The following CSMD3 variants were observed in gnomAD, a reference collection of about 807,000 sequenced individuals.
CSMD3 encodes CUB and Sushi multiple domains 3.
Under a neutral mutation model 435.2 loss-of-function variants are expected in CSMD3, and 177 were observed. The observed-to-expected ratio is 0.41, with a 90% CI of 0.36 to 0.46. The LOEUF is 0.46. Ranked by LOEUF, CSMD3 falls within the 20% of genes least tolerant of loss-of-function variation. CSMD3 has a pLI of 0.34. For synonymous variants in CSMD3, 1,656 were observed against 1,520.5 expected (o/e 1.09, Z -2.07); for missense variants, 4,265 against 4,504.6 (o/e 0.95, Z 1.52).
intron 12 of CSMD3, among the ~76,000 whole-genome samples, chr8:112,826,222 A>G (rs540621717): frequency 6.6e-6 from 1 of 152,280 alleles, no homozygotes; most frequent in African/African-American, 2.4e-5. Flanking sequence ...GGAGCTATAG[A>G]GATTGCTGCC....
rs1334174208 is a variant in CSMD3, at chr8:112,645,235, A to G, written c.3194-10T>C. ...TCTCCTCCACATAATGCTGAAATAC[A>G]AAGAAACAGATCCATGTGATCAGCA... On this transcript the variant is annotated splice_polypyrimidine_tract_variant and intron_variant, in intron 19 of 70. Coordinates refer to ENST00000297405, the MANE Select transcript of CSMD3 (RefSeq NM_198123.2). 1.5e-6 allele frequency: 2 copies of G among 1,338,864 alleles called. No homozygotes were observed. The highest frequency in any genetic ancestry group is 1.2e-5 in the South Asian group (1 of 85,524). The allele number at this position is 1,338,864 out of a possible 1,614,324, so 82.9% of individuals were successfully genotyped here.
At chr8:112,554,925 A>G (rs1827985850) in intron 25 of CSMD3, among the ~76,000 whole-genome samples, 1 of 151,984 alleles carries the variant, frequency 6.6e-6, no homozygotes, top group Admixed American at 6.6e-5. Flanking sequence ...AAGGTTAATG[A>G]GCACAGGCTA....
chr8:112,998,901 G>C (rs1002034056), intron 6 of CSMD3, among the ~76,000 whole-genome samples: 1 of 151,856 alleles, frequency 6.6e-6, no homozygotes, highest in African/African-American at 2.4e-5. Context: ...CCCTTTCAAT[G>C]ACTGTAAGTT....
chr8:112,398,972 A>C (rs1335844768), intron 35 of CSMD3, among the ~76,000 whole-genome samples: 9 of 150,830 alleles, frequency 6.0e-5, no homozygotes. Context: ...GCTGGAGTGC[A>C]GTGGTACGAT....
Position 112,947,870 on chromosome 8 carries a change from C to G in CSMD3, c.1428G>C (p.Glu476Asp). 3.5e-6 allele frequency: 5 copies of G among 1,428,984 alleles called. No individual in the cohort carries two copies. The highest frequency in any genetic ancestry group is 4.9e-6 in the Non-Finnish European group (5 of 1,014,460). 88.5% of individuals were successfully genotyped at this position (1,428,984 alleles called of 1,614,324 possible). A position where few individuals can be genotyped will look rare whatever the true frequency, so the allele number is the denominator to read the frequency against. Residue 476 changes from glutamate (E) to aspartate (D), a missense_variant, in exon 9 of 71, where the codon GAG becomes GAC. Coordinates refer to ENST00000297405, the MANE Select transcript of CSMD3 (RefSeq NM_198123.2). The part of the protein sequence containing the change: ...DNSNKFSILN[E>D]GGIKTASNLC... ...AATTGGAAGCTGTTTTAATACCTCC[C>G]TCATTTACTGCAACAGCAGGGAAAA...
chr8:112,482,829 C>G (rs768974911), intron 31 of CSMD3, among the ~76,000 whole-genome samples: 30 of 152,152 alleles, frequency 2.0e-4, no homozygotes, highest in Non-Finnish European at 4.3e-4. Context: ...AATGTTTTCT[C>G]TAATTTCCAG....
intron 61 of CSMD3, among the ~76,000 whole-genome samples, chr8:112,258,038 C>T (rs185683737): frequency 7.1e-4 from 108 of 152,278 alleles, no homozygotes; most frequent in Middle Eastern, 3.4e-3. Flanking sequence ...GGAAAGGATT[C>T]GCTATTTAAT....
Position 112,876,933 on chromosome 8 carries a change from G to A in CSMD3, c.1634-17667C>T, listed in dbSNP as rs558695126. Among the ~76,000 whole-genome samples the A allele has an allele frequency of 7.9e-5, 12 of 152,104 alleles. No individual in the cohort carries two copies. The South Asian group carries it at 2.5e-3, about 32-fold the overall frequency. ...AATCTCAGGATACAAAATCAATATG[G>A]AAAAATCACAATTGTTCCTATATAC... On this transcript the variant is annotated intron_variant, in intron 10 of 70. Coordinates refer to ENST00000297405, the MANE Select transcript of CSMD3 (RefSeq NM_198123.2).
intron 1 of CSMD3, among the ~76,000 whole-genome samples, chr8:113,375,430 C>T (rs2094375240): frequency 2.0e-5 from 3 of 152,002 alleles, no homozygotes; most frequent in Admixed American, 2.0e-4. Flanking sequence ...TATTTCTCCC[C>T]TTTCCACTGA....
At position 112,645,174 on chromosome 8, in the gene CSMD3, C is replaced by T; in HGVS notation, c.3245G>A (p.Gly1082Asp). 6.2e-7 allele frequency: 1 copy of T among 1,609,548 alleles called. No homozygotes were observed. Among genetic ancestry groups the T allele is most frequent in the Non-Finnish European group, 8.5e-7 (1 of 1,175,956 alleles). Residue 1082 changes from glycine (G) to aspartate (D), a missense_variant, in exon 20 of 71, where the codon GGT becomes GAT. By Grantham distance (94) the Gly-to-Asp change is moderately conservative (BLOSUM62 -1). This residue lies in a region of CSMD3 where 3,255 missense variants were observed against 3,380.2 expected (regional missense o/e 0.96). Transcript: ENST00000297405. ...RGPSGTILSP[G>D]YPEFYPNSLN... ...AGAATTTGGATAAAATTCCGGGTAA[C>T]CAGGTGATAAGATTGTTCCACTAGG...
intron 11 of CSMD3, among the ~76,000 whole-genome samples, chr8:112,838,329 T>A (rs931837436): frequency 6.6e-6 from 1 of 151,850 alleles, no homozygotes; most frequent in Admixed American, 6.6e-5. Flanking sequence ...TTAAGGACTG[T>A]GAACTTTATC....
intron 1 of CSMD3, among the ~76,000 whole-genome samples, chr8:113,373,038 T>C (rs1379131877): frequency 6.6e-6 from 1 of 152,116 alleles, no homozygotes; most frequent in African/African-American, 2.4e-5. Flanking sequence ...ATCTATCTAA[T>C]GGTATAAAAT....
intron 31 of CSMD3, among the ~76,000 whole-genome samples, chr8:112,484,867 A>C (rs1481995295): frequency 6.6e-6 from 1 of 152,118 alleles, no homozygotes; most frequent in Non-Finnish European, 1.5e-5. Context: ...GTATAAATGC[A>C]AATATTCCAA....
At position 112,506,677 on chromosome 8, in the gene CSMD3, A is replaced by T. The variant is rs1822559695; in HGVS notation, c.4895+14T>A. On this transcript the variant is annotated intron_variant, in intron 29 of 70. Transcript: ENST00000297405. ...ATATTTTTTTAACGTGGAAATAAAT[A>T]TATAAGAACTCACCTGATGAACGCC... 1 of 1,612,480 alleles carries T rather than the reference A, an allele frequency of 6.2e-7. No homozygotes were observed. The highest frequency in any genetic ancestry group is 2.2e-5 in the East Asian group (1 of 44,850).
intron 3 of CSMD3, among the ~76,000 whole-genome samples, chr8:113,192,205 A>C (rs959965164): frequency 6.6e-6 from 1 of 151,696 alleles, no homozygotes; most frequent in Non-Finnish European, 1.5e-5. Context: ...GCCCTGTGCT[A>C]ATGTTGATGT....
chr8:113,235,508 G>A (rs746145408), intron 3 of CSMD3, among the ~76,000 whole-genome samples: 12 of 151,852 alleles, frequency 7.9e-5, no homozygotes, highest in Non-Finnish European at 1.5e-4. Flanking sequence ...GGCCACAGTA[G>A]GAAAAAATAG....
chr8:112,491,046 C>A (rs535059858), intron 31 of CSMD3, among the ~76,000 whole-genome samples: 2 of 152,084 alleles, frequency 1.3e-5, no homozygotes, highest in Non-Finnish European at 2.9e-5. Context: ...TTTCTTATAA[C>A]AATATTTTGA....
intron 4 of CSMD3, among the ~76,000 whole-genome samples, chr8:113,158,823 C>T (rs80333132): frequency 0.067 from 10,138 of 151,632 alleles, 454 homozygotes; most frequent in Non-Finnish European, 0.095. Flanking sequence ...AATGTACAAA[C>T]GATATAAACA....
At chr8:113,147,151 C>T (rs537699696) in intron 4 of CSMD3, among the ~76,000 whole-genome samples, 1 of 151,622 alleles carries the variant, frequency 6.6e-6, no homozygotes, top group East Asian at 2.0e-4. Context: ...TTTGCATATG[C>T]TAGCATTTTT....
Sources: gnomAD v4.1 joint callset for allele counts (sites outside exome capture counted in the v4.1 genomes callset) on GRCh38, gnomAD v4.1.1 for gene constraint, gnomAD v4.1.1 regional missense constraint, MANE v1.5 for transcripts, NCBI Gene and HGNC (gene_info 2026-07-23, HGNC 2026-07-21) for gene names.